TMEM131L: variants seen among roughly 807,000 people sequenced by gnomAD.
TMEM131L encodes transmembrane protein 131-like.
In TMEM131L, 54 loss-of-function variants were observed where a neutral mutation model predicts 192.2. That is an observed-to-expected ratio of 0.28 (90% CI 0.23 to 0.35). The LOEUF (loss-of-function observed/expected upper bound fraction) is 0.35. Ranked by LOEUF, TMEM131L falls within the 10% of genes least tolerant of loss-of-function variation. The pLI is 1.00. For synonymous variants in TMEM131L, 701 were observed against 704.9 expected (o/e 0.99, Z 0.09); for missense variants, 1,888 against 1,972.9 (o/e 0.96, Z 0.82).
At chr4:153,499,899 C>A (rs141071391) in intron 3 of TMEM131L, among the ~76,000 whole-genome samples, 1 of 152,338 alleles carries the variant, frequency 6.6e-6, no homozygotes, top group East Asian at 1.9e-4. Context: ...AGATCCCAGT[C>A]TCACAGACTT....
Position 153,578,871 on chromosome 4 carries a change from T to G in TMEM131L, c.661-1955T>G, listed in dbSNP as rs192711099. On this transcript the variant is annotated intron_variant, in intron 7 of 34. Coordinates refer to ENST00000409959, the MANE Select transcript of TMEM131L (RefSeq NM_001131007.2). ...CGGGGTTTCACCATTTTGGCCAGGC[T>G]AGTCTCCAACTGCTGACCTCAGATG... 3.0e-3 allele frequency among the ~76,000 whole-genome samples: 450 copies of G among 151,686 alleles called. 2 individuals carry two copies. The highest frequency in any genetic ancestry group is 1.0e-2 in the African/African-American group (413 of 41,322).
At chr4:153,511,375 A>G (rs1372296829) in intron 3 of TMEM131L, among the ~76,000 whole-genome samples, 1 of 152,208 alleles carries the variant, frequency 6.6e-6, no homozygotes, top group Non-Finnish European at 1.5e-5. Context: ...GCAAACTAAC[A>G]GAACAGAAAA....
chr4:153,633,175 G>A (rs1734335109), intron 32 of TMEM131L: 1 of 204,966 alleles, frequency 4.9e-6, no homozygotes, highest in Non-Finnish European at 9.9e-6. Context: ...TCATTTTTCT[G>A]TGGCATTATT....
In TMEM131L at chr4:153,596,486, A is replaced by G. The variant is rs1191874918; in HGVS notation, c.2123+101A>G. ...ACGTTCACTTCTCAGTCAGACCTTCAGGATGAAGGCTGTGTTGCGGGGTAG... is the reference window on the plus strand; with the variant it reads ...ACGTTCACTTCTCAGTCAGACCTTCGGGATGAAGGCTGTGTTGCGGGGTAG... On this transcript the variant is annotated intron_variant, in intron 20 of 34. Transcript: ENST00000409959. The G allele has an allele frequency of 2.8e-6, 4 of 1,414,248 alleles. No individual in the cohort carries two copies. The East Asian group carries it at 7.2e-5, about 25-fold the overall frequency. The allele number at this position is 1,414,248 out of a possible 1,614,324, so 87.6% of individuals were successfully genotyped here.
chr4:153,512,066 G>A (rs1432201315), intron 3 of TMEM131L, among the ~76,000 whole-genome samples: 1 of 149,994 alleles, frequency 6.7e-6, no homozygotes, highest in Non-Finnish European at 1.5e-5. Flanking sequence ...GAGGAGAAAG[G>A]GAAATGATGT....
chr4:153,533,423 A>G (rs1284691744), intron 3 of TMEM131L, among the ~76,000 whole-genome samples: 1 of 152,220 alleles, frequency 6.6e-6, no homozygotes, highest in Non-Finnish European at 1.5e-5. Context: ...GCCTCACCTC[A>G]GTTTGCCTGT....
At chr4:153,492,316 A>T (rs932579991) in intron 3 of TMEM131L, among the ~76,000 whole-genome samples, 39 of 152,290 alleles carry the variant, frequency 2.6e-4, no homozygotes, top group African/African-American at 8.9e-4. Context: ...ACATAGCCCA[A>T]TTTTTTCTTT....
Position 153,612,278 on chromosome 4 carries a change from A to T in TMEM131L, c.3445A>T (p.Asn1149Tyr), listed in dbSNP as rs747477717. The T allele has an allele frequency of 2.5e-6, 4 of 1,575,820 alleles. No homozygotes were observed. The African/African-American group carries it at 5.5e-5, about 22-fold the overall frequency. Residue 1149 changes from asparagine to tyrosine, a missense_variant, in exon 26 of 35, where the codon AAT (asparagine) becomes TAT (tyrosine). Physicochemically the swap from Asn to Tyr is moderately radical, Grantham distance 143. Transcript: ENST00000409959. ...NGNNQQVPVKNEVDHCENLKK... is the reference protein window; with the variant it reads ...NGNNQQVPVKYEVDHCENLKK... ...GAATAACCAGCAAGTACCTGTCAAG[A>T]ATGAAGTAGATCATTGTGAAAATTT...
chr4:153,495,260 C>T (rs2149930069), intron 3 of TMEM131L, among the ~76,000 whole-genome samples: 1 of 151,870 alleles, frequency 6.6e-6, no homozygotes, highest in East Asian at 1.9e-4. Context: ...TCCTAGGTTG[C>T]AGTGACCCGA....
chr4:153,575,518 A>AT (rs1305226076), intron 7 of TMEM131L, among the ~76,000 whole-genome samples: 9 of 151,246 alleles, frequency 6.0e-5, no homozygotes, highest in South Asian at 2.1e-4. Flanking sequence ...GAAAAACCTG[A>AT]TTTTTTTTTC....
At chr4:153,537,417 T>C (rs923384683) in intron 3 of TMEM131L, among the ~76,000 whole-genome samples, 5 of 152,184 alleles carry the variant, frequency 3.3e-5, no homozygotes, top group African/African-American at 7.2e-5. Context: ...AATGAAAGAA[T>C]GGCTACTCCA....
intron 3 of TMEM131L, among the ~76,000 whole-genome samples, chr4:153,525,018 C>T (rs757899261): frequency 6.6e-6 from 1 of 152,070 alleles, no homozygotes; most frequent in African/African-American, 2.4e-5. Flanking sequence ...TTGGATGGCT[C>T]GTGTTTTAGG....
intron 7 of TMEM131L, among the ~76,000 whole-genome samples, chr4:153,575,208 C>T (rs911149544): frequency 1.3e-5 from 2 of 152,094 alleles, no homozygotes; most frequent in Non-Finnish European, 2.9e-5. Flanking sequence ...GCACACAGTC[C>T]CCCCAAATCA....
At chr4:153,619,958 G>A (rs1251711098) in intron 26 of TMEM131L, among the ~76,000 whole-genome samples, 2 of 152,108 alleles carry the variant, frequency 1.3e-5, no homozygotes, top group South Asian at 2.1e-4. Flanking sequence ...TAAGCCCTTG[G>A]GTCTCAGTGT....
intron 3 of TMEM131L, among the ~76,000 whole-genome samples, chr4:153,542,519 G>A (rs1049363634): frequency 6.6e-6 from 1 of 152,204 alleles, no homozygotes; most frequent in Non-Finnish European, 1.5e-5. Context: ...TCGGCAAGTT[G>A]TTTAAATCCC....
chr4:153,500,507 G>C (rs1733526588), intron 3 of TMEM131L, among the ~76,000 whole-genome samples: 1 of 152,056 alleles, frequency 6.6e-6, no homozygotes, highest in Non-Finnish European at 1.5e-5. Flanking sequence ...TTTTGGTCTG[G>C]ACTCTACTTA....
chr4:153,636,131 A>G (rs1190636391), intron 34 of TMEM131L, among the ~76,000 whole-genome samples, 170 bp from the exon 35 acceptor site: 3 of 152,140 alleles, frequency 2.0e-5, no homozygotes, highest in African/African-American at 7.2e-5. Context: ...GGATTTCACA[A>G]TCCTCCCTTT....
chr4:153,544,447 G>A (rs771044650), intron 3 of TMEM131L, among the ~76,000 whole-genome samples: 15 of 152,186 alleles, frequency 9.9e-5, no homozygotes, highest in Non-Finnish European at 2.1e-4. Flanking sequence ...GGCCAGCAAA[G>A]CCTTCCTGGG....
chr4:153,609,440 A>G (rs1387782881), intron 25 of TMEM131L, among the ~76,000 whole-genome samples: 1 of 152,192 alleles, frequency 6.6e-6, no homozygotes, highest in Admixed American at 6.5e-5. Context: ...ACAATTTGAC[A>G]TGAGATTTGG....
Sources: gnomAD v4.1 joint callset for allele counts (sites outside exome capture counted in the v4.1 genomes callset) on GRCh38, gnomAD v4.1.1 for gene constraint, MANE v1.5 for transcripts, NCBI Gene and HGNC (gene_info 2026-07-23, HGNC 2026-07-21) for gene names.